NBAS: variants seen among roughly 807,000 people sequenced by gnomAD.
The protein encoded by NBAS is NAG/BC035112 fusion.
Under a neutral mutation model 302.5 loss-of-function variants are expected in NBAS, and 219 were observed. That is an observed-to-expected ratio of 0.72 (90% CI 0.65 to 0.81). NBAS has a LOEUF of 0.81. Among genes scored for constraint, NBAS ranks in the 30% least tolerant of loss-of-function variants. The pLI is 0.00. For synonymous variants in NBAS, 1,118 were observed against 1,021.6 expected (o/e 1.09, Z -1.80); for missense variants, 2,932 against 2,841.6 (o/e 1.03, Z -0.72).
intron 32 of NBAS, among the ~76,000 whole-genome samples, chr2:15,366,303 AATAG>A (rs1030623351): frequency 6.6e-6 from 1 of 152,190 alleles, no homozygotes; most frequent in African/African-American, 2.4e-5. Context: ...TCGTTTAAGT[AATAG>A]ATAGTTCCAG....
chr2:14,995,182 G>A, the NBAS span, among the ~76,000 whole-genome samples: 2 of 152,030 alleles, frequency 1.3e-5, no homozygotes, highest in Admixed American at 6.6e-5. Context: ...TTAACATTAG[G>A]TATATCTCCT....
chr2:15,498,989 G>A (rs898383652), intron 11 of NBAS, among the ~76,000 whole-genome samples: 16 of 150,340 alleles, frequency 1.1e-4, no homozygotes, highest in African/African-American at 3.4e-4. Flanking sequence ...ATGCAGTGGC[G>A]CGATTCTTGG....
intron 21 of NBAS, among the ~76,000 whole-genome samples, chr2:15,444,370 C>A (rs1286653327): frequency 6.6e-6 from 1 of 152,190 alleles, no homozygotes; most frequent in African/African-American, 2.4e-5. Flanking sequence ...ACTATCTGAT[C>A]TTTGATAAGC....
chr2:15,066,876 T>C, the NBAS span, among the ~76,000 whole-genome samples: 45 of 152,138 alleles, frequency 3.0e-4, no homozygotes, highest in East Asian at 8.7e-3. Flanking sequence ...GGAAATAAAA[T>C]CAGAATGTTG....
the NBAS span, among the ~76,000 whole-genome samples, chr2:15,069,981 T>C: frequency 9.1e-6 from 1 of 109,378 alleles, no homozygotes; most frequent in African/African-American, 3.0e-5. Context: ...TCAGGTGTGC[T>C]ACCTTTGGTC....
Position 15,473,224 on chromosome 2 carries a change from A to G in NBAS, c.1723T>C (p.Leu575=). 1 of 1,613,870 alleles carries G rather than the reference A, an allele frequency of 6.2e-7. No homozygotes were observed. The highest frequency in any genetic ancestry group is 8.5e-7 in the Non-Finnish European group (1 of 1,179,808). ...AVNVASIQNY[L]SKIKKRSWVL... ...ATTACCAAAATATTTAAACATACCAAATAATTCTGAATTGAAGCAACGTTG... is the reference window on the plus strand; with the variant it reads ...ATTACCAAAATATTTAAACATACCAGATAATTCTGAATTGAAGCAACGTTG... The change falls in exon 16 of 52, where the codon TTG becomes CTG. Residue 575 remains leucine (L), a splice_region_variant and synonymous_variant. Transcript: ENST00000281513.
At chr2:15,410,555 G>A (rs144686379) in intron 25 of NBAS, among the ~76,000 whole-genome samples, 65 of 151,928 alleles carry the variant, frequency 4.3e-4, no homozygotes, top group South Asian at 2.7e-3. Flanking sequence ...TGATACATGT[G>A]TATTTGACTA....
At chr2:14,812,455 C>T in the NBAS span, among the ~76,000 whole-genome samples, 1 of 152,220 alleles carries the variant, frequency 6.6e-6, no homozygotes, top group Non-Finnish European at 1.5e-5. Context: ...TCTGCTAAAA[C>T]ACCCTGTACA....
intron 21 of NBAS, among the ~76,000 whole-genome samples, chr2:15,428,159 T>C (rs929752635): frequency 6.6e-6 from 1 of 152,200 alleles, no homozygotes; most frequent in Admixed American, 6.5e-5. Context: ...AGAGTAGTGC[T>C]TTCAACAGAA....
Position 15,287,102 on chromosome 2 carries a change from G to C in NBAS, c.5109C>G (p.Thr1703=), listed in dbSNP as rs768510591. ...TGTCCGTGAAGAGGAACTCCAAATG[G>C]GTCATAAAAACTTCCCAGCGGGAGA... ...YSVSRWEVFM[T]HLEFLFTDSG... Residue 1703 remains threonine, a synonymous_variant, in exon 42 of 52, where the codon ACC becomes ACG. Transcript: ENST00000281513. 7.4e-6 allele frequency: 12 copies of C among 1,613,472 alleles called. No homozygotes were observed. Among genetic ancestry groups the C allele is most frequent in the Non-Finnish European group, 1.0e-5 (12 of 1,179,548 alleles).
At chr2:15,160,556 G>A in the NBAS span, among the ~76,000 whole-genome samples, 1 of 137,900 alleles carries the variant, frequency 7.3e-6, no homozygotes, top group African/African-American at 2.7e-5. Flanking sequence ...GGACCTGCCA[G>A]GAAACTGAGC....
At chr2:14,927,957 A>G in the NBAS span, among the ~76,000 whole-genome samples, 5 of 152,172 alleles carry the variant, frequency 3.3e-5, no homozygotes, top group African/African-American at 1.2e-4. Flanking sequence ...TTACAAGATT[A>G]TGAGTTTATT....
chr2:14,969,666 C>T, the NBAS span, among the ~76,000 whole-genome samples: 5 of 152,122 alleles, frequency 3.3e-5, no homozygotes, highest in African/African-American at 1.2e-4. Context: ...CGTGAGCCAC[C>T]TTGCCCAGCC....
the NBAS span, among the ~76,000 whole-genome samples, chr2:14,883,612 G>A: frequency 2.6e-5 from 4 of 152,108 alleles, no homozygotes; most frequent in Admixed American, 6.5e-5. Flanking sequence ...CACCAGCTCC[G>A]TCACTACAGG....
the NBAS span, among the ~76,000 whole-genome samples, chr2:14,894,607 A>G: frequency 6.6e-6 from 1 of 152,088 alleles, no homozygotes; most frequent in Non-Finnish European, 1.5e-5. Context: ...TCATAGTAAT[A>G]TAAACACTGA....
the NBAS span, among the ~76,000 whole-genome samples, chr2:14,834,635 G>GA: frequency 6.6e-6 from 1 of 152,080 alleles, no homozygotes; most frequent in African/African-American, 2.4e-5. Flanking sequence ...AAGTAAATGT[G>GA]AAAAAATAGT....
chr2:14,832,336 G>A, the NBAS span, among the ~76,000 whole-genome samples: 1 of 152,144 alleles, frequency 6.6e-6, no homozygotes, highest in Non-Finnish European at 1.5e-5. Context: ...TTTTATGTTT[G>A]TTCTTTTCTC....
At chr2:14,784,124 G>C in the NBAS span, among the ~76,000 whole-genome samples, 1 of 152,092 alleles carries the variant, frequency 6.6e-6, no homozygotes, top group African/African-American at 2.4e-5. Flanking sequence ...GTCTTCTTTT[G>C]AGAAGTGTCT....
chr2:15,199,142 A>G lies in NBAS; in HGVS notation c.6433-8739T>C, dbSNP rs561880735. Among the ~76,000 whole-genome samples the G allele has an allele frequency of 5.9e-3, 890 of 151,818 alleles. 8 individuals are homozygous for G. The highest frequency in any genetic ancestry group is 9.8e-3 in the Non-Finnish European group (668 of 67,890). On this transcript the variant is annotated intron_variant, in intron 48 of 51. Coordinates refer to ENST00000281513, the MANE Select transcript of NBAS (RefSeq NM_015909.4). ...ACTCCATCTCAAAAAAAAAAAAAAAAAAAGAGTTAGAAAAATTAACCTTAA... is the reference window on the plus strand; with the variant it reads ...ACTCCATCTCAAAAAAAAAAAAAAAGAAAGAGTTAGAAAAATTAACCTTAA...
Sources: allele counts gnomAD v4.1 joint callset (sites outside exome capture counted in the v4.1 genomes callset), GRCh38; gene constraint gnomAD v4.1.1; transcripts MANE v1.5; gene names NCBI Gene and HGNC (gene_info 2026-07-23, HGNC 2026-07-21).